Variants in CLEC4F observed in about 807,000 individuals in gnomAD.
CLEC4F encodes the protein C-type lectin domain family 4 member F.
Under a neutral mutation model 53.4 loss-of-function variants are expected in CLEC4F, and 45 were observed. That is an observed-to-expected ratio of 0.84 (90% confidence interval 0.66 to 1.08). The LOEUF (loss-of-function observed/expected upper bound fraction) is 1.08. CLEC4F is among the 50% of genes least tolerant of loss of function. The pLI is 0.00. For synonymous variants in CLEC4F, 245 were observed against 257.5 expected (o/e 0.95, Z 0.46); for missense variants, 753 against 698.2 (o/e 1.08, Z -0.88).
At position 70,809,152 on chromosome 2, in the gene CLEC4F, T is replaced by A. The variant is rs1553393424; in HGVS notation, c.*119A>T. 1 of 1,553,252 alleles carries A rather than the reference T, an allele frequency of 6.4e-7. No homozygotes were observed. Among genetic ancestry groups the A allele is most frequent in the Admixed American group, 2.0e-5 (1 of 51,048 alleles). On this transcript the variant is annotated 3_prime_UTR_variant, in exon 7 of 7. Coordinates refer to ENST00000272367, the MANE Select transcript of CLEC4F (RefSeq NM_173535.3). ...CCTGGTGCTGTGGCTCCTAGGGAGC[T>A]GACATGGGATGAGTCTAGGGAGCTG...
At chr2:70,819,744 T>C in intron 2 of CLEC4F, 31 bp downstream of exon 2, 1 of 1,476,028 alleles carries the variant, frequency 6.8e-7, no homozygotes, top group Non-Finnish European at 9.2e-7. Flanking sequence ...GGAGAGAAAG[T>C]TAGTGAGATT....
upstream of CLEC4F, among the ~76,000 whole-genome samples, chr2:70,824,997 A>G (rs2104692330): frequency 6.6e-6 from 1 of 152,354 alleles, no homozygotes; most frequent in South Asian, 2.1e-4. Flanking sequence ...TTCTGGAGTC[A>G]ATAAACTTGG....
rs542168074 is a variant in CLEC4F, at chr2:70,812,570, G to A, written c.1416C>T (p.Gly472=). 3.7e-5 allele frequency: 60 copies of A among 1,614,188 alleles called. 1 individual carries two copies. Among genetic ancestry groups the A allele is most frequent in the Admixed American group, 1.5e-4 (9 of 60,026 alleles). ...QSQLLQMVLQ[G]WKFNGGSLYY... The stretch of plus-strand genomic sequence containing the variant: ...ATAAGCTTCCACCATTGAACTTCCA[G>A]CCTTGCAGGACCATCTGGAGAAGCT... Residue 472 remains glycine, a synonymous_variant, in exon 5 of 7, where the codon GGC becomes GGT. Coordinates refer to ENST00000272367, the MANE Select transcript of CLEC4F (RefSeq NM_173535.3).
chr2:70,824,511 G>T (rs1553398596), upstream of CLEC4F, among the ~76,000 whole-genome samples: 1 of 150,058 alleles, frequency 6.7e-6, no homozygotes, highest in African/African-American at 2.4e-5. Flanking sequence ...TCCAAAAAAA[G>T]GAAACCAGGG....
At chr2:70,819,145 A>G (rs1677083515) in intron 3 of CLEC4F, among the ~76,000 whole-genome samples, 1 of 152,214 alleles carries the variant, frequency 6.6e-6, no homozygotes, top group Admixed American at 6.5e-5. Context: ...AGGGGCACAC[A>G]CATATGTCAA....
In CLEC4F at chr2:70,809,182, G is replaced by T. The variant is rs782461151; in HGVS notation, c.*89C>A. ...TGGGATGAGTCTAGGGAGCTGACTT[G>T]AGATGGGTCCTTCATCCCCTAGTGG... On this transcript the variant is annotated 3_prime_UTR_variant, in exon 7 of 7. Coordinates refer to ENST00000272367, the MANE Select transcript of CLEC4F (RefSeq NM_173535.3). 3.1e-5 allele frequency: 49 copies of T among 1,563,444 alleles called. No homozygotes were observed.
intron 2 of CLEC4F, 57 bp from the exon 3 acceptor site, chr2:70,819,501 A>G: frequency 6.8e-7 from 1 of 1,471,886 alleles, no homozygotes. Context: ...CTGGGAGGAT[A>G]CGCTGTCCCA....
At position 70,816,641 on chromosome 2, in the gene CLEC4F, A is replaced by G. The variant is rs1553396136; in HGVS notation, c.740T>C (p.Leu247Ser). ...NTQAQLANSS[L>S]KNANAEIYVL... ...ATAGATCTCAGCATTAGCGTTCTTTAAACTGCTATTGGCTAACTGAGCCTG... is the reference window on the plus strand; with the variant it reads ...ATAGATCTCAGCATTAGCGTTCTTTGAACTGCTATTGGCTAACTGAGCCTG... The change falls in exon 4 of 7, where the codon TTA (leucine) becomes TCA (serine). Residue 247 changes from leucine to serine, a missense_variant. Physicochemically the swap from Leu to Ser is moderately radical, Grantham distance 145 (BLOSUM62 -2). Transcript: ENST00000272367. 1.2e-6 allele frequency: 2 copies of G among 1,614,202 alleles called. No homozygotes were observed. Among genetic ancestry groups the G allele is most frequent in the Non-Finnish European group, 1.7e-6 (2 of 1,180,042 alleles).
intron 4 of CLEC4F, among the ~76,000 whole-genome samples, chr2:70,813,915 G>C (rs1676751715): frequency 6.6e-6 from 1 of 152,132 alleles, no homozygotes. Context: ...CTGATCTCAG[G>C]TGATCTGCCT....
chr2:70,820,505 G>C lies in CLEC4F; in HGVS notation c.19C>G (p.Arg7Gly), dbSNP rs111692180. The C allele has an allele frequency of 1.6e-5, 25 of 1,590,340 alleles. No individual in the cohort carries two copies. In the Admixed American group the frequency reaches 4.3e-4, roughly 28 times the overall value. ...ACACACTGGTTATCTGTGCAGAAGCGGACTGCCTCACCGTCCATCTCTGCT... is the reference window on the plus strand; with the variant it reads ...ACACACTGGTTATCTGTGCAGAAGCCGACTGCCTCACCGTCCATCTCTGCT... MDGEAV[R>G]FCTDNQCVSL... Residue 7 changes from arginine to glycine, a missense_variant, in exon 1 of 7, where the codon CGC (arginine) becomes GGC (glycine). Physicochemically the swap from Arg to Gly is moderately radical, Grantham distance 125 (BLOSUM62 -2). Transcript: ENST00000272367.
chr2:70,814,209 AT>A (rs1225441336), intron 4 of CLEC4F, among the ~76,000 whole-genome samples: 2 of 151,758 alleles, frequency 1.3e-5, no homozygotes, highest in East Asian at 1.9e-4. Flanking sequence ...AACAGTTTGG[AT>A]TTTTTTTTCC....
At chr2:70,813,575 T>TCTC in intron 4 of CLEC4F, among the ~76,000 whole-genome samples, 1 of 120,132 alleles carries the variant, frequency 8.3e-6, no homozygotes, top group Non-Finnish European at 1.8e-5. Context: ...TTCTCTTTCT[T>TCTC]TTTCTTTCTC....
chr2:70,825,113 A>G (rs1677315312), upstream of CLEC4F, among the ~76,000 whole-genome samples: 1 of 152,218 alleles, frequency 6.6e-6, no homozygotes, highest in Non-Finnish European at 1.5e-5. Context: ...CTTTATCTCC[A>G]TGGTCTTCCT....
At position 70,809,219 on chromosome 2, in the gene CLEC4F, G is replaced by A; in HGVS notation, c.*52C>T. ...TCATCCCCTAGTGGCCCTAGGATGA[G>A]GACAGGGCTGGGAGAAGGAGTACCC... On this transcript the variant is annotated 3_prime_UTR_variant, in exon 7 of 7. Transcript: ENST00000272367. The A allele has an allele frequency of 6.3e-7, 1 of 1,597,074 alleles. No individual in the cohort carries two copies. The highest frequency in any genetic ancestry group is 8.5e-7 in the Non-Finnish European group (1 of 1,171,902).
Position 70,812,560 on chromosome 2 carries a change from T to C in CLEC4F, c.1426A>G (p.Asn476Asp). 1 of 1,614,138 alleles carries C rather than the reference T, an allele frequency of 6.2e-7. No individual in the cohort carries two copies. The highest frequency in any genetic ancestry group is 8.5e-7 in the Non-Finnish European group (1 of 1,180,012). Residue 476 changes from asparagine to aspartate, a missense_variant, in exon 5 of 7, where the codon AAT becomes GAT. Transcript: ENST00000272367. ...LQMVLQGWKF[N>D]GGSLYYFSSV... ...GAAAAATAATATAAGCTTCCACCAT[T>C]GAACTTCCAGCCTTGCAGGACCATC...
rs1450894999 is a variant in CLEC4F, at chr2:70,816,425, A to G, written c.956T>C (p.Phe319Ser). The G allele has an allele frequency of 1.2e-6, 2 of 1,613,992 alleles. No homozygotes were observed. The highest frequency in any genetic ancestry group is 2.7e-5 in the African/African-American group (2 of 74,912). Residue 319 changes from phenylalanine to serine, a missense_variant, in exon 4 of 7, where the codon TTC (phenylalanine) becomes TCC (serine). Coordinates refer to ENST00000272367, the MANE Select transcript of CLEC4F (RefSeq NM_173535.3). ...AGCTCTTTCCAAATGACCTCTTAAG[A>G]ACTGGATCTCAGCACTAGTGTTGTC... ...SFDNTSAEIQ[F>S]LRGHLERAGD...
chr2:70,809,388 T>C lies in CLEC4F; in HGVS notation c.1659-6A>G, dbSNP rs1189595794. ...AGGATCCCTTGGAACCAGGCCTGAG[T>C]AGGGCAGGGGGAAAAAAACAGAAAG... On this transcript the variant is annotated splice_polypyrimidine_tract_variant and splice_region_variant and intron_variant, in intron 6 of 6. Coordinates refer to ENST00000272367, the MANE Select transcript of CLEC4F (RefSeq NM_173535.3). 5.0e-6 allele frequency: 8 copies of C among 1,601,152 alleles called. No homozygotes were observed. The African/African-American group carries it at 9.4e-5, about 19-fold the overall frequency.
chr2:70,811,210 T>C, intron 5 of CLEC4F: 2 of 765,320 alleles, frequency 2.6e-6, no homozygotes, highest in Middle Eastern at 4.1e-4. Flanking sequence ...GCATTCACGC[T>C]GAAGTTTGAC....
In CLEC4F at chr2:70,819,877, C is replaced by CCA. The variant is rs35420638; in HGVS notation, c.74_75dup (p.Ala26TrpfsTer23). On this transcript the variant is annotated frameshift_variant, in exon 2 of 7. Transcript: ENST00000272367. LOFTEE classifies it high-confidence loss of function. ...ATCTTGGGGGCTGCAGGAGCCATTG[C>CCA]CACAGAGTCCACCTCTGCAGGGGAG... 17 of 1,594,172 alleles carry CCA rather than the reference C, an allele frequency of 1.1e-5. No individual in the cohort carries two copies. In the South Asian group the frequency reaches 1.7e-4, roughly 16 times the overall value.
Sources: allele counts gnomAD v4.1 joint callset (sites outside exome capture counted in the v4.1 genomes callset), GRCh38; gene constraint gnomAD v4.1.1; transcripts MANE v1.5; gene names NCBI Gene and HGNC (gene_info 2026-07-23, HGNC 2026-07-21).